Variants in PTPRB observed in about 807,000 individuals in gnomAD.
PTPRB encodes protein tyrosine phosphatase receptor type B, also known as receptor-type tyrosine-protein phosphatase beta.
Under a neutral mutation model 238.1 loss-of-function variants are expected in PTPRB, and 97 were observed. That is an observed-to-expected ratio of 0.41 (90% confidence interval 0.35 to 0.48). PTPRB has a LOEUF of 0.48. Among genes scored for constraint, PTPRB ranks in the 20% least tolerant of loss-of-function variants. The pLI, the probability that PTPRB is intolerant of heterozygous loss-of-function variation, is 0.30. For missense variants in PTPRB, 2,292 were observed against 2,681.9 expected, an observed-to-expected ratio of 0.85 and a Z score of 3.21; for synonymous variants, 970 against 995.4, an observed-to-expected ratio of 0.97 and a Z score of 0.48.
At chr12:70,582,193 A>G (rs1881464686) in intron 9 of PTPRB, among the ~76,000 whole-genome samples, 1 of 152,148 alleles carries the variant, frequency 6.6e-6, no homozygotes, top group Admixed American at 6.5e-5. Flanking sequence ...CCTGAATTAC[A>G]ATAATCAAAG....
At chr12:70,595,425 GTATCCCAGAACTTAAAGTATAAA>G (rs746129626) in intron 5 of PTPRB, among the ~76,000 whole-genome samples, 31 of 152,114 alleles carry the variant, frequency 2.0e-4, no homozygotes, top group Non-Finnish European at 4.1e-4. Context: ...TTCTGCACAT[GTATCCCAGAACTTAAAGTATAAA>G]TATCCCAGAA....
In PTPRB at chr12:70,630,712, C is replaced by T. The variant is rs538493439; in HGVS notation, c.451+4959G>A. 1.2e-3 allele frequency among the ~76,000 whole-genome samples: 182 copies of T among 152,318 alleles called. 1 individual carries two copies. The highest frequency in any genetic ancestry group is 1.9e-3 in the Non-Finnish European group (131 of 68,030). On this transcript the variant is annotated intron_variant, in intron 2 of 33. Transcript: ENST00000334414. ...GGCTGAAATTTTGGATCTCCTTAAG[C>T]TGTTAAGCAATTTCAGCAAAGTCTC...
chr12:70,621,809 A>G (rs550217242), intron 3 of PTPRB, among the ~76,000 whole-genome samples: 6 of 152,350 alleles, frequency 3.9e-5, no homozygotes, highest in African/African-American at 1.2e-4. Flanking sequence ...AAAACCAAAG[A>G]GATGAACACC....
intron 2 of PTPRB, among the ~76,000 whole-genome samples, chr12:70,628,937 T>A (rs1016855604): frequency 4.5e-4 from 68 of 152,176 alleles, no homozygotes; most frequent in Non-Finnish European, 8.8e-5. Context: ...AGCAATAATT[T>A]ATGATGCCAT....
At chr12:70,625,105 C>T (rs2136587963) in intron 2 of PTPRB, among the ~76,000 whole-genome samples, 1 of 151,388 alleles carries the variant, frequency 6.6e-6, no homozygotes, top group African/African-American at 2.4e-5. Flanking sequence ...CCATTTTAGA[C>T]CACCACCTTT....
In PTPRB at chr12:70,596,355, AAAAAAAAAAAAGAAAGAAAAAG is replaced by A; in HGVS notation, c.980-50_980-29del. ...GCAAGGCAAATACACACACACACAC[AAAAAAAAAAAAGAAAGAAAAAG>A]AAAAAAAAAGAACATGGCTTGAAGA... is the stretch of plus-strand genomic sequence containing the variant. On this transcript the variant is annotated intron_variant, in intron 4 of 33. Coordinates refer to ENST00000334414, the MANE Select transcript of PTPRB (RefSeq NM_001109754.4). 6 of 925,994 alleles carry A rather than the reference AAAAAAAAAAAAGAAAGAAAAAG, an allele frequency of 6.5e-6. No individual in the cohort carries two copies. In the South Asian group the frequency reaches 2.7e-4, roughly 42 times the overall value. The allele number at this position is 925,994 out of a possible 1,614,324, so 57.4% of individuals were successfully genotyped here. A position where few individuals can be genotyped will look rare whatever the true frequency, so the allele number is the denominator to read the frequency against.
chr12:70,617,177 G>A (rs1421063604), intron 3 of PTPRB, among the ~76,000 whole-genome samples: 1 of 152,152 alleles, frequency 6.6e-6, no homozygotes, highest in Non-Finnish European at 1.5e-5. Context: ...AAAAGAAAAT[G>A]AAAGAGAATA....
rs1359413579 is a variant in PTPRB at position 70,555,223 on chromosome 12, T to C, written c.5080A>G (p.Ser1694Gly). ...KSSINFTVNCSWFSDTNGAVK... is the reference protein window; with the variant it reads ...KSSINFTVNCGWFSDTNGAVK... ...GCTCCATTGGTGTCGCTGAACCAGC[T>C]GCAGTTGACAGTAAAGTTGATGGAA... The change falls in exon 20 of 34, where the codon AGC (serine) becomes GGC (glycine). Residue 1694 changes from serine to glycine, a missense_variant. Ser to Gly is a moderately conservative substitution (Grantham distance 56). This residue lies in a region of PTPRB where 683 missense variants were observed against 862.0 expected (regional missense o/e 0.79). Transcript: ENST00000334414. 2 of 1,613,934 alleles carry C rather than the reference T, an allele frequency of 1.2e-6. No homozygotes were observed. The highest frequency in any genetic ancestry group is 2.2e-5 in the South Asian group (2 of 91,086).
At chr12:70,627,755 C>G (rs1000837171) in intron 2 of PTPRB, among the ~76,000 whole-genome samples, 1 of 152,132 alleles carries the variant, frequency 6.6e-6, no homozygotes. Context: ...AAATGGTCCA[C>G]TACAAGGCCC....
At chr12:70,544,926 G>T (rs766413034) in intron 21 of PTPRB, among the ~76,000 whole-genome samples, 1 of 152,142 alleles carries the variant, frequency 6.6e-6, no homozygotes, top group South Asian at 2.1e-4. Context: ...CATTCCAGAG[G>T]TTACATTCTC....
chr12:70,551,312 A>C (rs1876852207), intron 21 of PTPRB, among the ~76,000 whole-genome samples: 1 of 152,166 alleles, frequency 6.6e-6, no homozygotes, highest in Non-Finnish European at 1.5e-5. Context: ...CTCTTTTTGA[A>C]GTAAGTATGA....
chr12:70,593,565 G>A (rs879607863), intron 6 of PTPRB, among the ~76,000 whole-genome samples: 1 of 146,120 alleles, frequency 6.8e-6, no homozygotes, highest in African/African-American at 2.5e-5. Context: ...CTCTGATTTT[G>A]CACAAGGCAG....
intron 26 of PTPRB, 135 bp from the exon 27 acceptor site, chr12:70,539,149 G>A (rs952196053): frequency 1.4e-6 from 1 of 716,746 alleles, no homozygotes. Context: ...TACTCAACAT[G>A]CATTAGCCCT....
chr12:70,570,660 T>A (rs1206389774), intron 13 of PTPRB, among the ~76,000 whole-genome samples: 3 of 152,142 alleles, frequency 2.0e-5, no homozygotes, highest in South Asian at 4.1e-4. Flanking sequence ...TTGCTGTGGG[T>A]CTGGTTCATG....
At position 70,521,407 on chromosome 12, in the gene PTPRB, A is replaced by C; in HGVS notation, c.*82T>G. ...CATAGTATCAACAGAAATAGCTGGC[A>C]CCTCTGTAGGGCATGAAGCAAGTTT... On this transcript the variant is annotated 3_prime_UTR_variant, in exon 34 of 34. Transcript: ENST00000334414. 2 of 1,065,050 alleles carry C rather than the reference A, an allele frequency of 1.9e-6. No homozygotes were observed. The highest frequency in any genetic ancestry group is 2.0e-5 in the South Asian group (1 of 49,860). 66.0% of individuals were successfully genotyped at this position (1,065,050 alleles called of 1,614,324 possible).
chr12:70,576,082 C>T (rs763934010), intron 11 of PTPRB, among the ~76,000 whole-genome samples: 3 of 152,066 alleles, frequency 2.0e-5, no homozygotes, highest in Non-Finnish European at 4.4e-5. Context: ...CAATGACTAC[C>T]TCAATAAGGA....
At chr12:70,562,695 C>T (rs59726208) in intron 16 of PTPRB, 149 bp downstream of exon 16, 23,096 of 972,474 alleles carry the variant, frequency 0.024, 1,262 homozygotes, top group African/African-American at 0.19. Flanking sequence ...ATCAAAGGTG[C>T]GATTTAGGGT....
intron 4 of PTPRB, among the ~76,000 whole-genome samples, chr12:70,606,301 T>C (rs1196519944): frequency 6.6e-6 from 1 of 152,224 alleles, no homozygotes; most frequent in Non-Finnish European, 1.5e-5. Context: ...TTTAAATCCA[T>C]TATGTTCTTC....
intron 9 of PTPRB, 69 bp from the exon 10 acceptor site, chr12:70,581,371 T>C: frequency 6.8e-7 from 1 of 1,460,606 alleles, no homozygotes. Context: ...GAAAAATGAG[T>C]CAAAAAATGG....
Sources: gnomAD v4.1 joint callset for allele counts (sites outside exome capture counted in the v4.1 genomes callset) on GRCh38, gnomAD v4.1.1 for gene constraint, gnomAD v4.1.1 regional missense constraint, MANE v1.5 for transcripts, NCBI Gene and HGNC (gene_info 2026-07-23, HGNC 2026-07-21) for gene names.